The following RGS5 variants were observed in gnomAD, a reference collection of about 807,000 sequenced individuals.
The protein encoded by RGS5 is regulator of G protein signaling 5.
A neutral mutation model predicts 18.9 loss-of-function variants in RGS5; 20 were observed. The ratio of observed to expected loss-of-function variants is 1.06; its 90% CI spans 0.74 to 1.54. The LOEUF (loss-of-function observed/expected upper bound fraction) is 1.54. Among genes scored for constraint, RGS5 ranks in the 40% most tolerant of loss-of-function variants. RGS5 has a pLI of 0.00. For synonymous variants in RGS5, 57 were observed against 76.2 expected, an observed-to-expected ratio of 0.75 and a Z score of 1.31; for missense variants, 201 against 211.8, an observed-to-expected ratio of 0.95 and a Z score of 0.32.
At chr1:163,219,131 T>G (rs900661953), upstream of RGS5, among the ~76,000 whole-genome samples, 20 of 149,830 alleles carry the variant, frequency 1.3e-4, no homozygotes, top group Admixed American at 1.3e-4. Context: ...GAGGTGTAAA[T>G]GCATACAAAA....
intron 1 of RGS5, among the ~76,000 whole-genome samples, chr1:163,201,606 T>C (rs1422546831): frequency 6.6e-6 from 1 of 152,144 alleles, no homozygotes; most frequent in African/African-American, 2.4e-5. Flanking sequence ...AAGCCATAAT[T>C]CAGAGAGTAA....
At chr1:163,307,741 G>A (rs911591923) in intron 1 of RGS5, among the ~76,000 whole-genome samples, 2 of 152,058 alleles carry the variant, frequency 1.3e-5, no homozygotes, top group African/African-American at 4.8e-5. Context: ...GAAGTACAAC[G>A]GAATTTCAAA....
At chr1:163,229,800 C>A (rs12130821) in intron 2 of RGS5, among the ~76,000 whole-genome samples, 1 of 152,130 alleles carries the variant, frequency 6.6e-6, no homozygotes, top group Non-Finnish European at 1.5e-5. Flanking sequence ...ACTCTCCTTA[C>A]GTCCTTCCTG....
At chr1:163,240,392 T>C (rs1390338601) in intron 2 of RGS5, among the ~76,000 whole-genome samples, 2 of 151,500 alleles carry the variant, frequency 1.3e-5, no homozygotes, top group Non-Finnish European at 2.9e-5. Context: ...TTCATTCATA[T>C]GAAGTTCTAG....
At chr1:163,196,242 G>T (rs1659560569) in intron 1 of RGS5, among the ~76,000 whole-genome samples, 1 of 152,154 alleles carries the variant, frequency 6.6e-6, no homozygotes, top group Admixed American at 6.5e-5. Context: ...GTTATCTTCT[G>T]GCCTCCAGCC....
intron 2 of RGS5, among the ~76,000 whole-genome samples, chr1:163,230,212 G>A (rs1386880987): frequency 6.6e-6 from 1 of 152,124 alleles, no homozygotes; most frequent in Non-Finnish European, 1.5e-5. Context: ...AAAGACCTGG[G>A]TTGAAGACAT....
At chr1:163,272,617 T>C (rs936920791) in intron 2 of RGS5, among the ~76,000 whole-genome samples, 2 of 152,066 alleles carry the variant, frequency 1.3e-5, no homozygotes, top group South Asian at 2.1e-4. Flanking sequence ...GTTTTTTTTG[T>C]TGTGGTTTAT....
chr1:163,288,940 A>C (rs1649212054), intron 2 of RGS5, among the ~76,000 whole-genome samples: 1 of 152,114 alleles, frequency 6.6e-6, no homozygotes, highest in African/African-American at 2.4e-5. Context: ...TCTTTCTCGA[A>C]TCTTCCCCTT....
chr1:163,229,171 G>A (rs2345028), intron 2 of RGS5, among the ~76,000 whole-genome samples: 65,266 of 152,022 alleles, frequency 0.43, 14,270 homozygotes, highest in Non-Finnish European at 0.47. Context: ...CCAAGACTGC[G>A]TAATATATAA....
intron 2 of RGS5, among the ~76,000 whole-genome samples, chr1:163,276,058 G>A (rs555073887): frequency 2.0e-4 from 30 of 151,940 alleles, no homozygotes; most frequent in African/African-American, 7.0e-4. Context: ...ACAATGGCGC[G>A]ATCTTGGCTC....
chr1:163,154,269 C>T, intron 3 of RGS5, among the ~76,000 whole-genome samples: 1 of 152,186 alleles, frequency 6.6e-6, no homozygotes, highest in South Asian at 2.1e-4. Flanking sequence ...ATGATAAAAA[C>T]AAAGACGCTA....
chr1:163,147,547 G>A (rs1657189122), intron 4 of RGS5, 44 bp from the exon 5 acceptor site: 3 of 1,459,610 alleles, frequency 2.1e-6, no homozygotes, highest in South Asian at 1.5e-5. Context: ...CTAAGTTATA[G>A]AATTTGATGA....
chr1:163,236,616 C>A (rs1385667540), intron 2 of RGS5, among the ~76,000 whole-genome samples: 2 of 151,950 alleles, frequency 1.3e-5, no homozygotes, highest in African/African-American at 2.4e-5. Flanking sequence ...GCCTACAAAC[C>A]AGCAATATAA....
intron 2 of RGS5, among the ~76,000 whole-genome samples, chr1:163,270,210 T>C (rs1199640560): frequency 6.6e-6 from 1 of 152,056 alleles, no homozygotes; most frequent in Non-Finnish European, 1.5e-5. Flanking sequence ...TCTTTTTCTT[T>C]GCCTGAAGAG....
At position 163,180,268 on chromosome 1, in the gene RGS5, G is replaced by A. The variant is rs540290333; in HGVS notation, c.45-11900C>T. 5.3e-5 allele frequency among the ~76,000 whole-genome samples: 8 copies of A among 152,244 alleles called. No individual in the cohort carries two copies. The East Asian group carries it at 5.8e-4, about 11-fold the overall frequency. On this transcript the variant is annotated intron_variant, in intron 1 of 4. Transcript: ENST00000313961. ...TGGAATTACAGGTGTGAACCGCTGC[G>A]CCCAGACAAGGAAATCCTGTTAAAT...
chr1:163,273,484 A>G (rs56333703), intron 2 of RGS5, among the ~76,000 whole-genome samples: 2,217 of 152,244 alleles, frequency 0.015, 20 homozygotes, highest in Non-Finnish European at 0.025. Flanking sequence ...ATATTCTAGT[A>G]TATTTTAACT....
chr1:163,299,445 T>A (rs756485289), intron 2 of RGS5, among the ~76,000 whole-genome samples: 4 of 152,216 alleles, frequency 2.6e-5, no homozygotes, highest in African/African-American at 9.6e-5. Context: ...CAAGGACTTT[T>A]GGTTTTGCCT....
At chr1:163,309,964 G>A (rs1649809640) in intron 1 of RGS5, among the ~76,000 whole-genome samples, 1 of 152,096 alleles carries the variant, frequency 6.6e-6, no homozygotes, top group African/African-American at 2.4e-5. Flanking sequence ...TCTCAATCAG[G>A]GCTCTTGGGT....
intron 1 of RGS5, among the ~76,000 whole-genome samples, chr1:163,180,684 C>CTTTTTTTTTTTTTT (rs1429373041): frequency 3.7e-5 from 3 of 81,862 alleles, no homozygotes; most frequent in East Asian, 2.7e-4. Flanking sequence ...AGCCCTTACC[C>CTTTTTTTTTTTTTT]TGTTTTTTTT....
Sources: allele counts gnomAD v4.1 joint callset (sites outside exome capture counted in the v4.1 genomes callset), GRCh38; gene constraint gnomAD v4.1.1; transcripts MANE v1.5; gene names NCBI Gene and HGNC (gene_info 2026-07-23, HGNC 2026-07-21).